Variants in RXFP1 observed in about 807,000 individuals in gnomAD.
RXFP1 encodes relaxin receptor 1.
Under a neutral mutation model 89.8 loss-of-function variants are expected in RXFP1, and 73 were observed. The observed-to-expected ratio is 0.81, with a 90% CI of 0.67 to 0.99. The LOEUF is 0.99. Ranked by LOEUF, RXFP1 falls within the 50% of genes least tolerant of loss-of-function variation. The pLI, the probability that RXFP1 is intolerant of heterozygous loss-of-function variation, is 0.00. For missense variants in RXFP1, 793 were observed against 895.5 expected (o/e 0.89, Z 1.46); for synonymous variants, 277 against 305.5 (o/e 0.91, Z 0.97).
At chr4:158,623,278 C>T (rs1006889552) in intron 9 of RXFP1, among the ~76,000 whole-genome samples, 2 of 150,978 alleles carry the variant, frequency 1.3e-5, no homozygotes, top group African/African-American at 4.9e-5. Context: ...GCGGGTGGAT[C>T]ACCTGAGGTC....
chr4:158,609,729 C>T (rs1161357908), intron 6 of RXFP1, among the ~76,000 whole-genome samples: 1 of 152,192 alleles, frequency 6.6e-6, no homozygotes, highest in Non-Finnish European at 1.5e-5. Flanking sequence ...TCCCCTTCTA[C>T]CCCATCTCTG....
chr4:158,545,241 T>G (rs1579478157), intron 1 of RXFP1, among the ~76,000 whole-genome samples: 1 of 152,276 alleles, frequency 6.6e-6, no homozygotes, highest in East Asian at 1.9e-4. Flanking sequence ...GCTGCATAAA[T>G]GTCTTCTTTT....
At chr4:158,645,505 T>C (rs868321025) in intron 15 of RXFP1, among the ~76,000 whole-genome samples, 18 of 152,350 alleles carry the variant, frequency 1.2e-4, no homozygotes, top group African/African-American at 4.1e-4. Context: ...TACTTTTTTA[T>C]GTGTATGTCC....
chr4:158,594,921 A>G (rs560241810), intron 3 of RXFP1, among the ~76,000 whole-genome samples: 1 of 152,306 alleles, frequency 6.6e-6, no homozygotes, highest in South Asian at 2.1e-4. Context: ...ATGTTATATA[A>G]TAATAACTAC....
intron 11 of RXFP1, among the ~76,000 whole-genome samples, chr4:158,632,809 C>T (rs544884942): frequency 6.6e-6 from 1 of 151,934 alleles, no homozygotes; most frequent in South Asian, 2.1e-4. Flanking sequence ...TTCTAACACA[C>T]AAAAAAAGAG....
intron 1 of RXFP1, among the ~76,000 whole-genome samples, chr4:158,539,364 G>A (rs1209729253): frequency 6.6e-6 from 1 of 152,048 alleles, no homozygotes; most frequent in East Asian, 1.9e-4. Context: ...ATAGCATTAG[G>A]AGATATACCT....
intron 2 of RXFP1, among the ~76,000 whole-genome samples, chr4:158,591,585 CAAAAA>C (rs556318387): frequency 1.2e-5 from 1 of 82,378 alleles, no homozygotes; most frequent in Non-Finnish European, 2.7e-5. Context: ...CCCATCTCTA[CAAAAA>C]AAAAAAAAAA....
chr4:158,528,362 C>T (rs1743127237), intron 1 of RXFP1, among the ~76,000 whole-genome samples: 1 of 152,064 alleles, frequency 6.6e-6, no homozygotes, highest in Admixed American at 6.6e-5. Context: ...AAAATTTAGC[C>T]AGTCGTGGTG....
intron 1 of RXFP1, among the ~76,000 whole-genome samples, chr4:158,558,162 T>A (rs1372485620): frequency 2.0e-5 from 3 of 152,192 alleles, no homozygotes; most frequent in African/African-American, 7.2e-5. Flanking sequence ...CCTTTAGGAG[T>A]AAATAAGTTT....
At chr4:158,630,893 G>A (rs937131811) in intron 11 of RXFP1, among the ~76,000 whole-genome samples, 1 of 152,182 alleles carries the variant, frequency 6.6e-6, no homozygotes, top group Non-Finnish European at 1.5e-5. Flanking sequence ...AGGACAAAGA[G>A]GATTCACTTG....
At chr4:158,567,090 C>G (rs563059525) in intron 1 of RXFP1, among the ~76,000 whole-genome samples, 4 of 152,336 alleles carry the variant, frequency 2.6e-5, no homozygotes, top group African/African-American at 7.2e-5. Context: ...CCTGGGCCAG[C>G]AGCTGCTGTG....
intron 1 of RXFP1, among the ~76,000 whole-genome samples, chr4:158,526,162 A>T (rs1742456294): frequency 6.6e-6 from 1 of 152,234 alleles, no homozygotes; most frequent in African/African-American, 2.4e-5. Context: ...AGCTGGTGCT[A>T]TCTGCTTTGT....
At chr4:158,645,647 C>G (rs964858647) in intron 15 of RXFP1, among the ~76,000 whole-genome samples, 1 of 151,830 alleles carries the variant, frequency 6.6e-6, no homozygotes, top group Non-Finnish European at 1.5e-5. Context: ...AAAAAGTGTG[C>G]GCAATGTAAT....
rs1753049043 is a variant in RXFP1 at position 158,564,006 on chromosome 4, AC to A, written c.50-8691del. ...TAAAACATAATTATATACTGTTATAACATTATAAAAGCACAATTACTTTAAA... is the reference window on the plus strand; with the variant it reads ...TAAAACATAATTATATACTGTTATAAATTATAAAAGCACAATTACTTTAAA... On this transcript the variant is annotated intron_variant, in intron 1 of 17. Coordinates refer to ENST00000307765, the MANE Select transcript of RXFP1 (RefSeq NM_021634.4). Among the ~76,000 whole-genome samples the A allele has an allele frequency of 3.3e-5, 5 of 150,698 alleles. No individual in the cohort carries two copies. In the South Asian group the frequency reaches 1.0e-3, roughly 31 times the overall value.
intron 8 of RXFP1, 58 bp from the exon 9 acceptor site, chr4:158,617,073 G>T: frequency 8.8e-7 from 1 of 1,139,592 alleles, no homozygotes; most frequent in South Asian, 1.3e-5. Flanking sequence ...TACCATGTTT[G>T]ACCCAAGATG....
intron 1 of RXFP1, among the ~76,000 whole-genome samples, chr4:158,571,358 A>G (rs1755019140): frequency 6.6e-6 from 1 of 152,178 alleles, no homozygotes; most frequent in South Asian, 2.1e-4. Flanking sequence ...TTATTAAGAA[A>G]TTATTTTAGG....
At chr4:158,644,401 G>A (rs1292268826) in intron 14 of RXFP1, among the ~76,000 whole-genome samples, 1 of 151,824 alleles carries the variant, frequency 6.6e-6, no homozygotes, top group Non-Finnish European at 1.5e-5. Flanking sequence ...CTTTTTAATG[G>A]GATGTTTTCT....
intron 1 of RXFP1, among the ~76,000 whole-genome samples, chr4:158,525,622 T>TA (rs1742321260): frequency 6.6e-6 from 1 of 152,250 alleles, no homozygotes; most frequent in South Asian, 2.1e-4. Context: ...TGTAAGCATT[T>TA]AGACCATTTG....
chr4:158,549,608 G>A (rs1415739297), intron 1 of RXFP1, among the ~76,000 whole-genome samples: 1 of 152,124 alleles, frequency 6.6e-6, no homozygotes, highest in Non-Finnish European at 1.5e-5. Context: ...TTTGATGATG[G>A]TGATGTACAG....
Sources: gnomAD v4.1 joint callset for allele counts (sites outside exome capture counted in the v4.1 genomes callset) on GRCh38, gnomAD v4.1.1 for gene constraint, MANE v1.5 for transcripts, NCBI Gene and HGNC (gene_info 2026-07-23, HGNC 2026-07-21) for gene names.